Variants in XKR9 observed in about 807,000 individuals in gnomAD.
The protein encoded by XKR9 is XK related 9, also known as XK-related protein 9.
A neutral mutation model predicts 32.0 loss-of-function variants in XKR9; 32 were observed. The ratio of observed to expected loss-of-function variants is 1.00; its 90% CI spans 0.76 to 1.34. The LOEUF is 1.34. Ranked by LOEUF, XKR9 falls within the 40% of genes most tolerant of loss-of-function variation. The pLI is 0.00. For synonymous variants in XKR9, 168 were observed against 143.4 expected, an observed-to-expected ratio of 1.17 and a Z score of -1.22; for missense variants, 546 against 429.7, an observed-to-expected ratio of 1.27 and a Z score of -2.39.
At chr8:70,960,208 G>T in the XKR9 span, among the ~76,000 whole-genome samples, 1 of 151,870 alleles carries the variant, frequency 6.6e-6, no homozygotes, top group South Asian at 2.1e-4. Flanking sequence ...TCACGCCATT[G>T]CACTTCAGCC....
chr8:70,758,513 G>C (rs754777834), intron 2 of XKR9, among the ~76,000 whole-genome samples: 6 of 152,116 alleles, frequency 3.9e-5, no homozygotes, highest in Admixed American at 2.0e-4. Flanking sequence ...CAAACTAGCT[G>C]TCTTTATAGT....
chr8:70,699,538 C>T (rs1805433728), intron 3 of XKR9, among the ~76,000 whole-genome samples: 1 of 152,200 alleles, frequency 6.6e-6, no homozygotes, highest in Non-Finnish European at 1.5e-5. Context: ...TGTAGCGTTT[C>T]TGCTGAGAGA....
rs1278440708 is a variant in XKR9, at chr8:70,703,831, ATGTTAAGAAAGCCCTCTC to A, written c.273-3097_273-3080del. Among the ~76,000 whole-genome samples the A allele has an allele frequency of 7.9e-5, 12 of 152,238 alleles. No homozygotes were observed. The East Asian group carries it at 2.1e-3, about 27-fold the overall frequency. On this transcript the variant is annotated intron_variant, in intron 3 of 4. Coordinates refer to ENST00000408926, the MANE Select transcript of XKR9 (RefSeq NM_001011720.2). Reference sequence around the variant, plus strand: ...AGGGATAAAAATATGGGAATACACTATGTTAAGAAAGCCCTCTCTGTTTTTCTTTTTTTTGGCCTATTC... The same window carrying A: ...AGGGATAAAAATATGGGAATACACTATGTTTTTCTTTTTTTTGGCCTATTC...
the XKR9 span, among the ~76,000 whole-genome samples, chr8:70,797,127 T>G: frequency 1.3e-5 from 2 of 152,204 alleles, no homozygotes; most frequent in Admixed American, 1.3e-4. Context: ...CCTTTTCAAC[T>G]AACACTTCAG....
the XKR9 span, among the ~76,000 whole-genome samples, chr8:70,803,441 C>T: frequency 3.3e-5 from 5 of 152,156 alleles, no homozygotes; most frequent in African/African-American, 1.2e-4. Flanking sequence ...CTACTTCTGA[C>T]ATTTCAGCCA....
chr8:70,911,632 G>A, the XKR9 span, among the ~76,000 whole-genome samples: 1 of 152,144 alleles, frequency 6.6e-6, no homozygotes, highest in African/African-American at 2.4e-5. Flanking sequence ...TTGTTCTGAT[G>A]GAGCATACAG....
the XKR9 span, among the ~76,000 whole-genome samples, chr8:70,834,858 T>A: frequency 6.6e-6 from 1 of 152,098 alleles, no homozygotes; most frequent in Non-Finnish European, 1.5e-5. Context: ...TATGCGACTT[T>A]AAACCACCAC....
intron 3 of XKR9, among the ~76,000 whole-genome samples, chr8:70,696,488 G>C (rs1805280995): frequency 1.3e-5 from 2 of 150,510 alleles, no homozygotes; most frequent in Non-Finnish European, 3.0e-5. Flanking sequence ...AGATCAGATA[G>C]TTGTAGATAT....
chr8:70,763,456 C>G (rs1279324743), intron 2 of XKR9, among the ~76,000 whole-genome samples: 1 of 152,114 alleles, frequency 6.6e-6, no homozygotes, highest in African/African-American at 2.4e-5. Flanking sequence ...AGGTAAGAAT[C>G]CCCCTGTGGA....
At chr8:70,905,134 G>A in the XKR9 span, among the ~76,000 whole-genome samples, 331 of 152,164 alleles carry the variant, frequency 2.2e-3, no homozygotes, top group African/African-American at 7.0e-3. Flanking sequence ...TCTTTGTGGC[G>A]TTCTCTGTAT....
At chr8:70,759,060 T>C (rs1432801797) in intron 2 of XKR9, among the ~76,000 whole-genome samples, 1 of 152,248 alleles carries the variant, frequency 6.6e-6, no homozygotes, top group East Asian at 1.9e-4. Flanking sequence ...AAAAGCCTTG[T>C]TCCCCTTCTT....
the XKR9 span, among the ~76,000 whole-genome samples, chr8:70,826,093 T>A: frequency 6.6e-6 from 1 of 152,050 alleles, no homozygotes; most frequent in Non-Finnish European, 1.5e-5. Context: ...AGTGAGGTTT[T>A]TACTCACTTT....
chr8:70,950,725 G>A, the XKR9 span, among the ~76,000 whole-genome samples: 2 of 151,884 alleles, frequency 1.3e-5, no homozygotes, highest in African/African-American at 4.8e-5. Context: ...TCAGTCTGGG[G>A]TGCAGTGGTG....
At chr8:70,674,226 A>G (rs904358749) in intron 1 of XKR9, among the ~76,000 whole-genome samples, 4 of 152,166 alleles carry the variant, frequency 2.6e-5, no homozygotes, top group Admixed American at 6.5e-5. Flanking sequence ...AAGTGATGAG[A>G]TTGCAAGGAG....
the XKR9 span, among the ~76,000 whole-genome samples, chr8:70,921,745 G>T: frequency 6.6e-6 from 1 of 152,142 alleles, no homozygotes; most frequent in Non-Finnish European, 1.5e-5. Context: ...TTTCAGAAGA[G>T]ATGTGCCAAG....
At chr8:70,879,404 C>A in the XKR9 span, among the ~76,000 whole-genome samples, 7 of 151,752 alleles carry the variant, frequency 4.6e-5, no homozygotes, top group South Asian at 2.1e-4. Context: ...AATTGATAGA[C>A]CACTAGTAAG....
At chr8:70,813,328 A>T in the XKR9 span, among the ~76,000 whole-genome samples, 1 of 152,186 alleles carries the variant, frequency 6.6e-6, no homozygotes, top group Non-Finnish European at 1.5e-5. Flanking sequence ...TAGACCTAAA[A>T]CCATAAACCC....
At chr8:70,985,466 G>C in the XKR9 span, among the ~76,000 whole-genome samples, 1 of 152,158 alleles carries the variant, frequency 6.6e-6, no homozygotes, top group African/African-American at 2.4e-5. Flanking sequence ...GCACAAGCTG[G>C]TGAATCTTAG....
downstream of XKR9, among the ~76,000 whole-genome samples, chr8:70,792,379 C>T (rs910851995): frequency 6.6e-6 from 1 of 152,018 alleles, no homozygotes; most frequent in African/African-American, 2.4e-5. Flanking sequence ...CAAAGTTGAA[C>T]TGAGCTGGGC....
Sources: allele counts gnomAD v4.1 joint callset (sites outside exome capture counted in the v4.1 genomes callset), GRCh38; gene constraint gnomAD v4.1.1; transcripts MANE v1.5; gene names NCBI Gene and HGNC (gene_info 2026-07-23, HGNC 2026-07-21).